Variants in DNASE1 observed in about 807,000 individuals in gnomAD.
The protein encoded by DNASE1 is deoxyribonuclease-1.
A neutral mutation model predicts 33.9 loss-of-function variants in DNASE1; 40 were observed. That is an observed-to-expected ratio of 1.18 (90% CI 0.92 to 1.54). The LOEUF (loss-of-function observed/expected upper bound fraction) is 1.54, where lower values mean the gene tolerates loss of function less well. Among genes scored for constraint, DNASE1 ranks in the 40% most tolerant of loss-of-function variants. DNASE1 has a pLI of 0.00. For synonymous variants in DNASE1, 216 were observed against 160.0 expected (o/e 1.35, Z -2.64); for missense variants, 518 against 372.6 (o/e 1.39, Z -3.21).
At chr16:3,662,983 C>G (rs181018245), downstream of DNASE1, 2 of 1,585,740 alleles carry the variant, frequency 1.3e-6, no homozygotes, top group Admixed American at 1.7e-5. Flanking sequence ...GAAGAGCAGG[C>G]GACAGGGAGC....
At chr16:3,646,749 C>G (rs1398091186) in intron 1 of DNASE1, among the ~76,000 whole-genome samples, 2 of 152,060 alleles carry the variant, frequency 1.3e-5, no homozygotes, top group African/African-American at 2.4e-5. Context: ...GGGACATGTA[C>G]CTGGAAGCAG....
At chr16:3,662,964 G>A (rs756225969), downstream of DNASE1, 3 of 1,608,940 alleles carry the variant, frequency 1.9e-6, no homozygotes, top group South Asian at 3.3e-5. Flanking sequence ...TAGGCACTCG[G>A]CGGCTGCGGA....
chr16:3,622,377 C>A (rs1322898102), intron 1 of DNASE1, among the ~76,000 whole-genome samples: 1 of 152,128 alleles, frequency 6.6e-6, no homozygotes, highest in Non-Finnish European at 1.5e-5. Context: ...CTTTACATTT[C>A]TTTCATTGAG....
At chr16:3,634,053 G>T (rs954798683) in intron 1 of DNASE1, among the ~76,000 whole-genome samples, 2 of 151,698 alleles carry the variant, frequency 1.3e-5, no homozygotes, top group Non-Finnish European at 2.9e-5. Flanking sequence ...CTCGTGATCC[G>T]CCCGTCTCGG....
chr16:3,657,042 G>T lies in DNASE1; in HGVS notation c.480G>T (p.Gly160=). The T allele has an allele frequency of 6.2e-7, 1 of 1,613,790 alleles. No individual in the cohort carries two copies. The highest frequency in any genetic ancestry group is 8.5e-7 in the Non-Finnish European group (1 of 1,179,966). The change falls in exon 6 of 9, where the codon GGG becomes GGT. Residue 160 remains glycine, a synonymous_variant. Coordinates refer to ENST00000246949, the MANE Select transcript of DNASE1 (RefSeq NM_005223.4). The part of the protein sequence containing the change: ...FAIVPLHAAP[G]DAVAEIDALY... ...TTGTTCCCCTGCATGCGGCCCCGGGGGACGCAGTAGCCGAGATCGACGCTC... is the reference window on the plus strand; with the variant it reads ...TTGTTCCCCTGCATGCGGCCCCGGGTGACGCAGTAGCCGAGATCGACGCTC...
intron 1 of DNASE1, among the ~76,000 whole-genome samples, chr16:3,621,661 A>T (rs75648403): frequency 6.6e-6 from 1 of 152,172 alleles, no homozygotes; most frequent in African/African-American, 2.4e-5. Context: ...TCCTTATTAC[A>T]TATAAATCTA....
chr16:3,662,423 T>C (rs2043136386), downstream of DNASE1: 1 of 557,028 alleles, frequency 1.8e-6, no homozygotes, highest in African/African-American at 1.9e-5. Flanking sequence ...CCACCCTGCA[T>C]GAGGCCCCTT....
chr16:3,625,577 C>T (rs1014951233), intron 1 of DNASE1, among the ~76,000 whole-genome samples: 3 of 151,718 alleles, frequency 2.0e-5, no homozygotes, highest in Non-Finnish European at 4.4e-5. Flanking sequence ...GAATCATAAT[C>T]GCCTTTCTGC....
At chr16:3,625,152 A>G (rs182466429) in intron 1 of DNASE1, among the ~76,000 whole-genome samples, 51 of 152,300 alleles carry the variant, frequency 3.3e-4, no homozygotes, top group African/African-American at 1.2e-3. Context: ...ACTAAAATAC[A>G]AAAGTTAGCC....
intron 1 of DNASE1, among the ~76,000 whole-genome samples, chr16:3,625,531 T>C (rs2151168450): frequency 6.6e-6 from 1 of 151,040 alleles, no homozygotes; most frequent in East Asian, 2.0e-4. Context: ...TAGGCTGAAA[T>C]GGGATCGCTT....
At chr16:3,662,980 A>T, downstream of DNASE1, 1 of 1,595,936 alleles carries the variant, frequency 6.3e-7, no homozygotes, top group Non-Finnish European at 8.5e-7. Context: ...GCGGAAGAGC[A>T]GGCGACAGGG....
Position 3,626,975 on chromosome 16 carries a change from G to A in DNASE1, c.-1358-13740G>A, listed in dbSNP as rs1367173233. ...CAGCTTTGAACTCCTGAGCTCCAGTGATTCTCCTGCCTCCGTCTTCTGAGG... is the reference window on the plus strand; with the variant it reads ...CAGCTTTGAACTCCTGAGCTCCAGTAATTCTCCTGCCTCCGTCTTCTGAGG... On this transcript the variant is annotated intron_variant and NMD_transcript_variant, in intron 1 of 11. Transcript: ENST00000570769. 3.9e-5 allele frequency among the ~76,000 whole-genome samples: 6 copies of A among 151,910 alleles called. No homozygotes were observed. The East Asian group carries it at 1.2e-3, about 30-fold the overall frequency.
chr16:3,632,566 A>G (rs1003575677), intron 1 of DNASE1, among the ~76,000 whole-genome samples: 1 of 146,878 alleles, frequency 6.8e-6, no homozygotes, highest in African/African-American at 2.5e-5. Flanking sequence ...GTCTTTTTCC[A>G]TCTCTTTAAT....
chr16:3,664,262 C>T, exon 10 of DNASE1: 1 of 1,564,278 alleles, frequency 6.4e-7, no homozygotes, highest in Non-Finnish European at 8.6e-7. Flanking sequence ...GCCCCACCCA[C>T]CGCTCACCCA....
chr16:3,664,091 C>A (rs2050763696), exon 10 of DNASE1: 2 of 618,416 alleles, frequency 3.2e-6, no homozygotes, highest in South Asian at 5.5e-5. Flanking sequence ...CAAAAAAAAC[C>A]ACATGTGACC....
downstream of DNASE1, chr16:3,661,637 G>A (rs1215098596): frequency 4.2e-6 from 1 of 239,064 alleles, no homozygotes. Flanking sequence ...CATGCCAAGT[G>A]AGCAACGTGA....
At chr16:3,618,174 A>G (rs112421201) in intron 1 of DNASE1, among the ~76,000 whole-genome samples, 13 of 151,938 alleles carry the variant, frequency 8.6e-5, no homozygotes, top group African/African-American at 2.9e-4. Context: ...GATGATCAGC[A>G]TCATGAATCG....
rs2042712418 is a variant in DNASE1 at position 3,657,120 on chromosome 16, C to G, written c.549+9C>G. 6.2e-7 allele frequency: 1 copy of G among 1,614,128 alleles called. No individual in the cohort carries two copies. Among genetic ancestry groups the G allele is most frequent in the South Asian group, 1.1e-5 (1 of 91,090 alleles). ...AGAAATGGGGCTTGGAGGTGAGGCCCTCCCAGGGGCAGTGGGCACCAGCGG... is the reference window on the plus strand; with the variant it reads ...AGAAATGGGGCTTGGAGGTGAGGCCGTCCCAGGGGCAGTGGGCACCAGCGG... On this transcript the variant is annotated intron_variant, in intron 6 of 8. Transcript: ENST00000246949.
intron 1 of DNASE1, among the ~76,000 whole-genome samples, chr16:3,628,614 G>C (rs1386614375): frequency 6.6e-6 from 1 of 151,296 alleles, no homozygotes; most frequent in East Asian, 2.0e-4. Flanking sequence ...CTGGAGTGCA[G>C]TGGCGCAATC....
Sources: gnomAD v4.1 joint callset for allele counts (sites outside exome capture counted in the v4.1 genomes callset) on GRCh38, gnomAD v4.1.1 for gene constraint, MANE v1.5 for transcripts, NCBI Gene and HGNC (gene_info 2026-07-23, HGNC 2026-07-21) for gene names.